YPEL2: variants seen among roughly 807,000 people sequenced by gnomAD.
The protein encoded by YPEL2 is protein yippee-like 2.
In YPEL2, 2 loss-of-function variants were observed where a neutral mutation model predicts 19.1. The observed-to-expected ratio is 0.10, with a 90% CI of 0.04 to 0.33. The LOEUF is 0.33. Ranked by LOEUF, YPEL2 falls within the 10% of genes least tolerant of loss-of-function variation. The pLI is 1.00. For synonymous variants in YPEL2, 52 were observed against 50.0 expected (o/e 1.04, Z -0.17); for missense variants, 66 against 140.7 (o/e 0.47, Z 2.68).
At chr17:59,351,404 G>A (rs955281832) in intron 1 of YPEL2, among the ~76,000 whole-genome samples, 1 of 151,778 alleles carries the variant, frequency 6.6e-6, no homozygotes, top group Non-Finnish European at 1.5e-5. Context: ...AAAGGTTGAG[G>A]GTATTTCAGG....
intron 2 of YPEL2, among the ~76,000 whole-genome samples, chr17:59,366,718 G>C (rs183559669): frequency 8.9e-4 from 136 of 152,266 alleles, no homozygotes; most frequent in African/African-American, 3.2e-3. Flanking sequence ...TGTTCCAAAC[G>C]ACAGGTACAA....
At chr17:59,333,283 T>C (rs2047681217) in intron 1 of YPEL2, among the ~76,000 whole-genome samples, 1 of 152,222 alleles carries the variant, frequency 6.6e-6, no homozygotes, top group African/African-American at 2.4e-5. Flanking sequence ...TGTCCCCAGC[T>C]CCATGATAGG....
chr17:59,389,379 C>T lies in YPEL2; in HGVS notation c.181C>T (p.Pro61Ser), dbSNP rs765142424. 4.8e-5 allele frequency: 78 copies of T among 1,613,896 alleles called. No individual in the cohort carries two copies. The highest frequency in any genetic ancestry group is 4.7e-5 in the Non-Finnish European group (55 of 1,179,990). Reference protein sequence around the residue: ...FNSVVNVGCGPAEERVLLTGL... With the variant: ...FNSVVNVGCGSAEERVLLTGL... The stretch of plus-strand genomic sequence containing the variant: ...ACATAGAGTTAATGTGGGCTGTGGG[C>T]CTGCAGAAGAGCGAGTGTTGCTAAC... Residue 61 changes from proline (P) to serine (S), a missense_variant, in exon 4 of 5, where the codon CCT becomes TCT. Coordinates refer to ENST00000312655, the MANE Select transcript of YPEL2 (RefSeq NM_001005404.4).
chr17:59,341,052 C>T (rs1469109512), intron 1 of YPEL2, among the ~76,000 whole-genome samples: 2 of 147,328 alleles, frequency 1.4e-5, no homozygotes, highest in African/African-American at 2.5e-5. Context: ...TGGCCGGGCG[C>T]GGTGGCTCAT....
chr17:59,393,505 T>A (rs934721873), intron 4 of YPEL2, among the ~76,000 whole-genome samples: 15 of 150,268 alleles, frequency 1.0e-4, no homozygotes, highest in East Asian at 1.9e-4. Flanking sequence ...TTTTTTATTT[T>A]TTTATTTTAT....
chr17:59,391,371 C>T (rs1010506280), intron 4 of YPEL2, among the ~76,000 whole-genome samples: 5 of 152,118 alleles, frequency 3.3e-5, no homozygotes, highest in African/African-American at 1.2e-4. Context: ...ACTTTCTGCT[C>T]AATTTTGCTG....
chr17:59,366,285 A>G (rs1034982985), intron 2 of YPEL2: 4 of 154,102 alleles, frequency 2.6e-5, no homozygotes, highest in African/African-American at 9.6e-5. Context: ...AACAGATGCA[A>G]GCTTTGCCTT....
chr17:59,397,048 A>G, intron 4 of YPEL2, 53 bp from the exon 5 acceptor site: 1 of 1,438,280 alleles, frequency 7.0e-7, no homozygotes, highest in South Asian at 1.3e-5. Context: ...AAAAAAAATC[A>G]TTTTCTTGTC....
chr17:59,344,891 G>A (rs2047748458), intron 1 of YPEL2, among the ~76,000 whole-genome samples: 3 of 152,222 alleles, frequency 2.0e-5, no homozygotes, highest in African/African-American at 4.8e-5. Context: ...CATCCCTCTA[G>A]AGCAGTGGTC....
intron 2 of YPEL2, among the ~76,000 whole-genome samples, chr17:59,373,850 T>C (rs1353896333): frequency 6.6e-6 from 1 of 152,172 alleles, no homozygotes; most frequent in African/African-American, 2.4e-5. Flanking sequence ...CCCAAATAAG[T>C]GGAAGGGATT....
intron 2 of YPEL2, among the ~76,000 whole-genome samples, chr17:59,365,548 T>C (rs1243252903): frequency 1.3e-5 from 2 of 152,174 alleles, no homozygotes; most frequent in East Asian, 3.9e-4. Flanking sequence ...GAGTTGCTTG[T>C]CAGTTTGATT....
At chr17:59,359,295 T>G (rs1195014267) in intron 2 of YPEL2, among the ~76,000 whole-genome samples, 1 of 152,228 alleles carries the variant, frequency 6.6e-6, no homozygotes, top group Non-Finnish European at 1.5e-5. Flanking sequence ...CCTGAAAACC[T>G]CATGTAAATA....
chr17:59,384,706 A>G (rs1027912686), intron 2 of YPEL2, among the ~76,000 whole-genome samples: 1 of 152,188 alleles, frequency 6.6e-6, no homozygotes, highest in African/African-American at 2.4e-5. Flanking sequence ...CCCTGGAGAA[A>G]AGGGTTGTCT....
rs2048065873 is a variant in YPEL2, at chr17:59,400,606, G to A, written c.*3416G>A. ...CAGTACATTAATCAGGTTGAGAATT[G>A]AAATATTTTCTTGCATCAGTATTGG... On this transcript the variant is annotated 3_prime_UTR_variant, in exon 5 of 5. Coordinates refer to ENST00000312655, the MANE Select transcript of YPEL2 (RefSeq NM_001005404.4). The A allele has an allele frequency of 6.6e-6, 1 of 152,240 alleles. No homozygotes were observed. Among genetic ancestry groups the A allele is most frequent in the South Asian group, 2.1e-4 (1 of 4,828 alleles). 9.4% of individuals were successfully genotyped at this position (152,240 alleles called of 1,614,324 possible). A position where few individuals can be genotyped will look rare whatever the true frequency, so the allele number is the denominator to read the frequency against.
At chr17:59,370,853 TCA>T (rs1167961132) in intron 2 of YPEL2, among the ~76,000 whole-genome samples, 1 of 151,742 alleles carries the variant, frequency 6.6e-6, no homozygotes, top group East Asian at 2.0e-4. Context: ...CAAGAGGAAC[TCA>T]AGAGTCAGCA....
chr17:59,349,778 A>G (rs534237769), intron 1 of YPEL2, among the ~76,000 whole-genome samples: 8 of 152,112 alleles, frequency 5.3e-5, no homozygotes, highest in Admixed American at 3.3e-4. Context: ...CTCCTGCCTC[A>G]GTCTCCTGAG....
At chr17:59,367,124 C>T (rs1180631024) in intron 2 of YPEL2, among the ~76,000 whole-genome samples, 1 of 152,194 alleles carries the variant, frequency 6.6e-6, no homozygotes, top group Non-Finnish European at 1.5e-5. Context: ...CTCAGCCTGG[C>T]TGATTTCTCA....
intron 2 of YPEL2, among the ~76,000 whole-genome samples, chr17:59,374,074 C>A (rs996571212): frequency 6.6e-6 from 1 of 152,200 alleles, no homozygotes; most frequent in Non-Finnish European, 1.5e-5. Flanking sequence ...AGACCTTGCT[C>A]AATCCCTTCA....
At chr17:59,341,697 G>A (rs912005522) in intron 1 of YPEL2, among the ~76,000 whole-genome samples, 3 of 152,150 alleles carry the variant, frequency 2.0e-5, no homozygotes, top group African/African-American at 7.2e-5. Flanking sequence ...TAAACAGGCT[G>A]CGTGCATTTG....
Sources: allele counts gnomAD v4.1 joint callset (sites outside exome capture counted in the v4.1 genomes callset), GRCh38; gene constraint gnomAD v4.1.1; transcripts MANE v1.5; gene names NCBI Gene and HGNC (gene_info 2026-07-23, HGNC 2026-07-21).